Variants in C2orf76 observed in about 807,000 individuals in gnomAD.
The protein encoded by C2orf76 is UPF0538 protein C2orf76.
C2orf76 carries 23 observed loss-of-function variants against 16.9 expected under a neutral mutation model. That is an observed-to-expected ratio of 1.36 (90% CI 0.98 to 1.93). C2orf76 has a LOEUF of 1.93. Ranked by LOEUF, C2orf76 falls within the 30% of genes most tolerant of loss-of-function variation. The probability of loss-of-function intolerance (pLI) is 0.00; values close to 1 mark genes in which losing one functional copy is unlikely to be tolerated. For synonymous variants in C2orf76, 48 were observed against 52.3 expected (o/e 0.92, Z 0.35); for missense variants, 152 against 152.6 (o/e 1.00, Z 0.02).
At chr2:119,311,112 C>T (rs1409860435) in intron 5 of C2orf76, 6 of 959,204 alleles carry the variant, frequency 6.3e-6, no homozygotes, top group African/African-American at 3.5e-5. Flanking sequence ...ACCACATGCA[C>T]ATTCTAGGCT....
At chr2:119,324,145 G>T (rs72829479) in intron 2 of C2orf76, among the ~76,000 whole-genome samples, 1 of 152,070 alleles carries the variant, frequency 6.6e-6, no homozygotes, top group African/African-American at 2.4e-5. Flanking sequence ...GAAGAAAGCC[G>T]TGAGGTGAAG....
the C2orf76 span, among the ~76,000 whole-genome samples, chr2:119,295,401 T>A: frequency 6.6e-6 from 1 of 152,034 alleles, no homozygotes; most frequent in Non-Finnish European, 1.5e-5. Flanking sequence ...GGAAATTAAA[T>A]GAGGTTGTTG....
chr2:119,364,189 G>A (rs866236904), intron 1 of C2orf76, among the ~76,000 whole-genome samples: 9 of 152,178 alleles, frequency 5.9e-5, no homozygotes, highest in African/African-American at 2.2e-4. Context: ...CCCACCGAGT[G>A]AAGCCTGTGG....
At chr2:119,289,792 T>C in the C2orf76 span, among the ~76,000 whole-genome samples, 3 of 151,792 alleles carry the variant, frequency 2.0e-5, no homozygotes, top group Admixed American at 6.6e-5. Context: ...TTAGACCTTG[T>C]CTCAGGCCCC....
chr2:119,282,203 A>G, the C2orf76 span, among the ~76,000 whole-genome samples: 554 of 152,252 alleles, frequency 3.6e-3, 4 homozygotes, highest in African/African-American at 9.3e-3. Flanking sequence ...CGAGAAGCCC[A>G]CATACATGAA....
intron 3 of C2orf76, among the ~76,000 whole-genome samples, 183 bp downstream of exon 3, chr2:119,320,971 T>C (rs1679322744): frequency 6.6e-6 from 1 of 152,326 alleles, no homozygotes; most frequent in Middle Eastern, 3.4e-3. Context: ...TCTTTGCAAA[T>C]ACGCCACTTC....
At chr2:119,338,839 C>G (rs1679935089) in intron 2 of C2orf76, 1 of 152,082 alleles carries the variant, frequency 6.6e-6, no homozygotes, top group Non-Finnish European at 1.5e-5. Context: ...ACAATAACAT[C>G]AAGGTTGCTT....
At chr2:119,304,329 T>C (rs1678710307) in intron 5 of C2orf76, among the ~76,000 whole-genome samples, 1 of 152,250 alleles carries the variant, frequency 6.6e-6, no homozygotes, top group South Asian at 2.1e-4. Context: ...CAGTCCACGC[T>C]AACTGTAATT....
the C2orf76 span, among the ~76,000 whole-genome samples, chr2:119,291,532 G>T: frequency 3.3e-3 from 505 of 152,082 alleles, 4 homozygotes; most frequent in Middle Eastern, 0.031. Context: ...ATGTGCTCAG[G>T]GCTGGCTGAA....
intron 1 of C2orf76, among the ~76,000 whole-genome samples, chr2:119,343,671 G>C (rs758293264): frequency 1.8e-4 from 28 of 152,196 alleles, no homozygotes; most frequent in Non-Finnish European, 8.8e-5. Flanking sequence ...GGTGGCACAT[G>C]CCTGTAGTCC....
chr2:119,309,398 C>CTTTTTTTT (rs1193022536), intron 5 of C2orf76, among the ~76,000 whole-genome samples: 1,107 of 71,432 alleles, frequency 0.015, 1 homozygote, highest in Middle Eastern at 0.024. Flanking sequence ...TTCTCTTTTT[C>CTTTTTTTT]TTTTTTTTTT....
the C2orf76 span, among the ~76,000 whole-genome samples, chr2:119,286,938 G>C: frequency 0.29 from 43,788 of 151,912 alleles, 7,288 homozygotes; most frequent in Non-Finnish European, 0.38. Context: ...ACTTGCTCCA[G>C]CTATGGACTA....
At chr2:119,362,847 T>C (rs1052454577) in intron 1 of C2orf76, among the ~76,000 whole-genome samples, 1 of 152,010 alleles carries the variant, frequency 6.6e-6, no homozygotes, top group African/African-American at 2.4e-5. Context: ...AAGAAGAAAA[T>C]GGTAAACATG....
chr2:119,344,058 A>G (rs140257465), intron 1 of C2orf76, among the ~76,000 whole-genome samples: 148 of 152,374 alleles, frequency 9.7e-4, no homozygotes, highest in African/African-American at 3.4e-3. Flanking sequence ...TTCACTTAAT[A>G]AAAAGCTGCC....
At chr2:119,319,239 C>T (rs192452512) in intron 3 of C2orf76, among the ~76,000 whole-genome samples, 30 of 152,148 alleles carry the variant, frequency 2.0e-4, no homozygotes, top group Admixed American at 1.1e-3. Flanking sequence ...CACAATTAAA[C>T]GGCTACATAT....
At chr2:119,330,369 A>AG (rs60943332) in intron 2 of C2orf76, among the ~76,000 whole-genome samples, 104 of 151,488 alleles carry the variant, frequency 6.9e-4, no homozygotes, top group Non-Finnish European at 1.4e-3. Flanking sequence ...AAAAAAAAAA[A>AG]TGTTAATCCA....
downstream of C2orf76, among the ~76,000 whole-genome samples, chr2:119,297,911 T>C (rs1010650570): frequency 6.6e-6 from 1 of 152,186 alleles, no homozygotes; most frequent in African/African-American, 2.4e-5. Flanking sequence ...AAAATGTTCA[T>C]GGCAATTGCC....
At chr2:119,321,812 C>A (rs1220540956) in intron 2 of C2orf76, among the ~76,000 whole-genome samples, 4 of 151,248 alleles carry the variant, frequency 2.6e-5, no homozygotes, top group Non-Finnish European at 5.9e-5. Flanking sequence ...ACAACAGTAT[C>A]TATGTATAGT....
chr2:119,298,713 T>C (rs73948640), downstream of C2orf76, among the ~76,000 whole-genome samples: 2,878 of 152,258 alleles, frequency 0.019, 82 homozygotes, highest in African/African-American at 0.064. Flanking sequence ...AGGTCTTTTA[T>C]ACTCATCTAA....
Sources: allele counts gnomAD v4.1 joint callset (sites outside exome capture counted in the v4.1 genomes callset), GRCh38; gene constraint gnomAD v4.1.1; transcripts MANE v1.5; gene names NCBI Gene and HGNC (gene_info 2026-07-23, HGNC 2026-07-21).